The following LRRIQ1 variants were observed in gnomAD, a reference collection of about 807,000 sequenced individuals.
The protein encoded by LRRIQ1 is leucine-rich repeat- and IQ domain-containing protein 1.
Under a neutral mutation model 211.9 loss-of-function variants are expected in LRRIQ1, and 210 were observed. That is an observed-to-expected ratio of 0.99 (90% CI 0.89 to 1.11). The LOEUF is 1.11. Ranked by LOEUF, LRRIQ1 falls within the 50% of genes most tolerant of loss-of-function variation. The probability of loss-of-function intolerance (pLI) is 0.00; values close to 1 mark genes in which losing one functional copy is unlikely to be tolerated. For missense variants in LRRIQ1, 2,136 were observed against 1,939.5 expected (o/e 1.10, Z -1.90); for synonymous variants, 699 against 650.1 (o/e 1.08, Z -1.14).
intron 19 of LRRIQ1, among the ~76,000 whole-genome samples, chr12:85,151,705 T>C (rs1890256138): frequency 6.6e-6 from 1 of 151,606 alleles, no homozygotes; most frequent in East Asian, 1.9e-4. Context: ...TTTCCAAATT[T>C]GGGCTTAAAT....
chr12:85,155,730 T>C (rs1360020827), intron 23 of LRRIQ1, among the ~76,000 whole-genome samples: 1 of 151,666 alleles, frequency 6.6e-6, no homozygotes, highest in Admixed American at 6.6e-5. Context: ...CCTCCAGTAG[T>C]GAAAGCAGAG....
At chr12:85,109,130 G>A (rs1463646805) in intron 15 of LRRIQ1, among the ~76,000 whole-genome samples, 1 of 152,146 alleles carries the variant, frequency 6.6e-6, no homozygotes, top group Non-Finnish European at 1.5e-5. Context: ...AGAATTAAAT[G>A]TCTGGTTATG....
downstream of LRRIQ1, among the ~76,000 whole-genome samples, chr12:85,266,566 A>G (rs1157755589): frequency 6.6e-6 from 1 of 152,146 alleles, no homozygotes; most frequent in Non-Finnish European, 1.5e-5. Flanking sequence ...TGACTTCTCT[A>G]TAATTCACAT....
At chr12:85,070,979 A>C (rs1883020534) in intron 10 of LRRIQ1, among the ~76,000 whole-genome samples, 1 of 151,982 alleles carries the variant, frequency 6.6e-6, no homozygotes, top group Non-Finnish European at 1.5e-5. Context: ...GAAATAGTTT[A>C]TCTTTGGGAT....
At position 85,056,851 on chromosome 12, in the gene LRRIQ1, C is replaced by T. The variant is rs770231923; in HGVS notation, c.2058C>T (p.Gly686=). 5 of 1,613,170 alleles carry T rather than the reference C, an allele frequency of 3.1e-6. No homozygotes were observed. The highest frequency in any genetic ancestry group is 4.2e-6 in the Non-Finnish European group (5 of 1,179,498). Residue 686 remains glycine (G), a synonymous_variant, in exon 8 of 27, where the codon GGC becomes GGT. Transcript: ENST00000393217. ...YVLGRHAPCE[G]LSNYNAESSM... The stretch of plus-strand genomic sequence containing the variant: ...TAGGTAGACATGCTCCTTGTGAGGG[C>T]TTGAGTAACTATAATGCAGAAAGCT...
rs201973246 is a variant in LRRIQ1, at chr12:85,124,336, C to G, written c.3824C>G (p.Ser1275Cys). The G allele has an allele frequency of 3.7e-6, 6 of 1,614,070 alleles. 1 individual carries two copies. In the Admixed American group the frequency reaches 1.0e-4, roughly 27 times the overall value. Residue 1275 changes from serine (S) to cysteine (C), a missense_variant, in exon 17 of 27, where the codon TCC (serine) becomes TGC (cysteine). Coordinates refer to ENST00000393217, the MANE Select transcript of LRRIQ1 (RefSeq NM_001079910.2). ...TGGATGGACTCTGTCTCCAGCCACTCCCCATTAAGCAAATCCGCCACATGT... is the reference window on the plus strand; with the variant it reads ...TGGATGGACTCTGTCTCCAGCCACTGCCCATTAAGCAAATCCGCCACATGT... ...EKWMDSVSSH[S>C]PLSKSATCEN... is the part of the protein sequence containing the mutation.
rs543411951 is a variant in LRRIQ1 at position 85,220,750 on chromosome 12, C to T, written c.4823-8767C>T. On this transcript the variant is annotated intron_variant, in intron 24 of 26. Transcript: ENST00000393217. Reference sequence around the variant, plus strand: ...TGTTGGTGTACTGCACCCATTAACTCGTCATTTAGCATTAGGTATATCTCC... The same window carrying T: ...TGTTGGTGTACTGCACCCATTAACTTGTCATTTAGCATTAGGTATATCTCC... Among the ~76,000 whole-genome samples the T allele has an allele frequency of 8.6e-5, 13 of 150,462 alleles. No homozygotes were observed. In the South Asian group the frequency reaches 2.3e-3, roughly 27 times the overall value.
chr12:85,202,685 G>A (rs1000640708), intron 24 of LRRIQ1, among the ~76,000 whole-genome samples: 8 of 152,164 alleles, frequency 5.3e-5, no homozygotes, highest in Non-Finnish European at 7.3e-5. Flanking sequence ...CCTTGCATGT[G>A]AGATGGAGAC....
chr12:85,221,817 A>T (rs1327379274), intron 24 of LRRIQ1, among the ~76,000 whole-genome samples: 7 of 152,234 alleles, frequency 4.6e-5, no homozygotes, highest in Non-Finnish European at 8.8e-5. Flanking sequence ...ATCTAAAGGC[A>T]GTGGAGAACC....
intron 24 of LRRIQ1, among the ~76,000 whole-genome samples, chr12:85,222,886 C>G (rs1407879570): frequency 3.9e-5 from 6 of 152,052 alleles, no homozygotes; most frequent in African/African-American, 1.4e-4. Context: ...ACTGCTCACT[C>G]ACGTTCAGAA....
chr12:85,132,711 A>C (rs994756944), intron 18 of LRRIQ1, among the ~76,000 whole-genome samples: 3 of 152,092 alleles, frequency 2.0e-5, no homozygotes, highest in African/African-American at 7.2e-5. Flanking sequence ...ACAGTGAGCC[A>C]GGATTGCACC....
At chr12:85,088,299 G>A (rs887289341) in intron 11 of LRRIQ1, among the ~76,000 whole-genome samples, 1 of 152,038 alleles carries the variant, frequency 6.6e-6, no homozygotes, top group Non-Finnish European at 1.5e-5. Context: ...TGTTCCATTG[G>A]TCTATATCTC....
intron 19 of LRRIQ1, among the ~76,000 whole-genome samples, chr12:85,142,404 A>G (rs571446337): frequency 2.0e-5 from 3 of 151,668 alleles, no homozygotes; most frequent in Non-Finnish European, 4.4e-5. Context: ...TGAAGTATAT[A>G]TACATTGTGA....
At chr12:85,127,057 T>TA in intron 17 of LRRIQ1, among the ~76,000 whole-genome samples, 1 of 152,184 alleles carries the variant, frequency 6.6e-6, no homozygotes, top group East Asian at 1.9e-4. Context: ...TAGTCAGCAC[T>TA]TTGACTACAC....
chr12:85,068,502 G>T (rs1208915293), intron 10 of LRRIQ1, among the ~76,000 whole-genome samples: 1 of 151,634 alleles, frequency 6.6e-6, no homozygotes, highest in African/African-American at 2.4e-5. Flanking sequence ...TTGGGGTTTT[G>T]ATTTCATTTT....
chr12:85,085,439 G>A (rs540450868), intron 11 of LRRIQ1, among the ~76,000 whole-genome samples: 2 of 152,094 alleles, frequency 1.3e-5, no homozygotes, highest in African/African-American at 4.8e-5. Context: ...ATTTTGGTGG[G>A]GACAGAAAGC....
chr12:85,054,261 C>T (rs1880706233), intron 7 of LRRIQ1, among the ~76,000 whole-genome samples: 1 of 152,072 alleles, frequency 6.6e-6, no homozygotes, highest in Non-Finnish European at 1.5e-5. Context: ...CAAAGAAAAT[C>T]ACACCTTGGA....
At chr12:85,091,868 A>G (rs553477288) in intron 11 of LRRIQ1, among the ~76,000 whole-genome samples, 1 of 152,220 alleles carries the variant, frequency 6.6e-6, no homozygotes, top group Admixed American at 6.5e-5. Context: ...CAGGTTATGG[A>G]CCAGTAGCGG....
intron 10 of LRRIQ1, among the ~76,000 whole-genome samples, chr12:85,068,606 C>G (rs1882702536): frequency 6.6e-6 from 1 of 151,780 alleles, no homozygotes; most frequent in South Asian, 2.1e-4. Context: ...CTTACTTAAC[C>G]CCATTGCATT....
Sources: gnomAD v4.1 joint callset for allele counts (sites outside exome capture counted in the v4.1 genomes callset) on GRCh38, gnomAD v4.1.1 for gene constraint, MANE v1.5 for transcripts, NCBI Gene and HGNC (gene_info 2026-07-23, HGNC 2026-07-21) for gene names.